Variants in AEN observed in about 807,000 individuals in gnomAD.
AEN encodes the protein apoptosis-enhancing nuclease.
A neutral mutation model predicts 17.7 loss-of-function variants in AEN; 21 were observed. That is an observed-to-expected ratio of 1.19 (90% confidence interval 0.84 to 1.71). The LOEUF (loss-of-function observed/expected upper bound fraction) is 1.71, where lower values mean the gene tolerates loss of function less well. Ranked by LOEUF, AEN falls within the 40% of genes most tolerant of loss-of-function variation. The probability of loss-of-function intolerance (pLI) is 0.00; values close to 1 mark genes in which losing one functional copy is unlikely to be tolerated. For synonymous variants in AEN, 190 were observed against 173.0 expected (o/e 1.10, Z -0.77); for missense variants, 462 against 435.9 (o/e 1.06, Z -0.53).
chr15:88,629,303 C>G lies in AEN; in HGVS notation c.618C>G (p.His206Gln). 1 of 1,614,150 alleles carries G rather than the reference C, an allele frequency of 6.2e-7. No homozygotes were observed. The highest frequency in any genetic ancestry group is 2.2e-5 in the East Asian group (1 of 44,874). ...HNDFQALKYV[H>Q]PRSQTRDTTY... The stretch of plus-strand genomic sequence containing the variant: ...ACTTCCAGGCGCTCAAGTATGTCCA[C>G]CCTCGGAGCCAGACCCGGGATACGA... The change falls in exon 3 of 4, where the codon CAC becomes CAG. Residue 206 changes from histidine to glutamine, a missense_variant. His to Gln is a conservative substitution (Grantham distance 24). Coordinates refer to ENST00000332810, the MANE Select transcript of AEN (RefSeq NM_022767.4).
At chr15:88,611,726 A>G in the AEN span, 1 of 317,028 alleles carries the variant, frequency 3.2e-6, no homozygotes, top group South Asian at 2.5e-5. Context: ...TGAACTTAGT[A>G]ATAGGAGCGG....
chr15:88,631,241 C>T lies in AEN; in HGVS notation c.*947C>T, dbSNP rs745707462. The T allele has an allele frequency of 4.8e-4, 213 of 445,328 alleles. 1 individual carries two copies. The highest frequency in any genetic ancestry group is 8.1e-4 in the Non-Finnish European group (177 of 217,780). The allele number at this position is 445,328 out of a possible 1,614,324, so 27.6% of individuals were successfully genotyped here. ...CACTCGTCTAGGGCAGTGGAGTCTG[C>T]GTGTCTCCTGGGGCTGGGGCAGGGC... On this transcript the variant is annotated 3_prime_UTR_variant, in exon 4 of 4. Transcript: ENST00000332810.
In AEN at chr15:88,629,234, G is replaced by A. The variant is rs774107304; in HGVS notation, c.549G>A (p.Lys183=). ...CCTCTTTCTGCTCACAGATCCTTAA[G>A]CTCCTGAAGGGCAAGGTGGTGGTGG... The part of the protein sequence containing the change: ...PFQVAQKEIL[K]LLKGKVVVGH... The change falls in exon 3 of 4, where the codon AAG becomes AAA. Residue 183 remains lysine (K), a synonymous_variant. Transcript: ENST00000332810. The A allele has an allele frequency of 9.3e-6, 15 of 1,613,938 alleles. No homozygotes were observed. Among genetic ancestry groups the A allele is most frequent in the African/African-American group, 4.0e-5 (3 of 74,902 alleles).
At chr15:88,611,975 T>A in the AEN span, 3 of 451,832 alleles carry the variant, frequency 6.6e-6, no homozygotes, top group Non-Finnish European at 1.4e-5. Context: ...TTTTTGGCTA[T>A]CCTTCCACGT....
the AEN span, among the ~76,000 whole-genome samples, chr15:88,610,554 C>T: frequency 6.6e-6 from 1 of 152,198 alleles, no homozygotes; most frequent in South Asian, 2.1e-4. Flanking sequence ...TGCCCTGTCT[C>T]AGGCTGACAG....
At chr15:88,613,831 T>C in the AEN span, among the ~76,000 whole-genome samples, 1 of 152,172 alleles carries the variant, frequency 6.6e-6, no homozygotes, top group Non-Finnish European at 1.5e-5. Flanking sequence ...AAGTGAAGTG[T>C]CATAATATAA....
chr15:88,611,785 AG>A, the AEN span: 1 of 447,830 alleles, frequency 2.2e-6, no homozygotes. Flanking sequence ...CCTGGTGGCG[AG>A]GGGAGGGGGG....
At chr15:88,607,050 C>T in the AEN span, among the ~76,000 whole-genome samples, 1 of 152,160 alleles carries the variant, frequency 6.6e-6, no homozygotes, top group Non-Finnish European at 1.5e-5. Flanking sequence ...AAACTTTCTC[C>T]CTGGTTTGAT....
chr15:88,622,199 A>T (rs894681053), intron 1 of AEN, among the ~76,000 whole-genome samples: 13 of 144,896 alleles, frequency 9.0e-5, no homozygotes, highest in African/African-American at 2.8e-4. Context: ...TTTAGGCCAG[A>T]CCCCCTCCCT....
upstream of AEN, among the ~76,000 whole-genome samples, chr15:88,620,132 A>C (rs188937919): frequency 2.7e-3 from 406 of 152,238 alleles, 3 homozygotes; most frequent in African/African-American, 9.3e-3. Context: ...AAGAGCTCCT[A>C]GCTTATTTCT....
upstream of AEN, among the ~76,000 whole-genome samples, chr15:88,617,327 C>A (rs147227629): frequency 6.6e-6 from 1 of 152,258 alleles, no homozygotes; most frequent in Non-Finnish European, 1.5e-5. Flanking sequence ...AATCTTGGCT[C>A]GCTGCAACCT....
At chr15:88,605,901 C>T in the AEN span, among the ~76,000 whole-genome samples, 3 of 152,378 alleles carry the variant, frequency 2.0e-5, no homozygotes, top group East Asian at 3.9e-4. This position sits in a 1 kb window ranked among gnomAD's most constrained non-coding sequence, Gnocchi z 7.6. Context: ...ACGCCACTTG[C>T]GCTCGCGGCC....
At chr15:88,605,859 C>A in the AEN span, among the ~76,000 whole-genome samples, 2 of 152,360 alleles carry the variant, frequency 1.3e-5, no homozygotes, top group African/African-American at 2.4e-5. The surrounding 1 kb of genome is among the most constrained non-coding windows in gnomAD (Gnocchi z 7.6). Flanking sequence ...TGCCCATGGT[C>A]GGTGCCTGCG....
chr15:88,628,234 T>G (rs1415840842), intron 2 of AEN: 1 of 152,250 alleles, frequency 6.6e-6, no homozygotes, highest in African/African-American at 2.4e-5. Flanking sequence ...GGAGGGGCAG[T>G]GTGGTGAGTG....
upstream of AEN, among the ~76,000 whole-genome samples, chr15:88,618,314 T>A (rs2057755590): frequency 1.3e-5 from 2 of 152,250 alleles, no homozygotes; most frequent in Admixed American, 1.3e-4. Flanking sequence ...CTTGGTAATA[T>A]TTTATGAAGC....
the AEN span, chr15:88,611,928 C>T: frequency 1.4e-5 from 7 of 500,302 alleles, no homozygotes; most frequent in Non-Finnish European, 2.9e-5. Context: ...TGGTGCCAGC[C>T]ATCGCAGCGG....
chr15:88,628,427 T>G (rs1329287024), intron 2 of AEN: 3 of 151,620 alleles, frequency 2.0e-5, no homozygotes, highest in African/African-American at 7.3e-5. Flanking sequence ...CCCATGGCCC[T>G]GGGCGTGGCC....
chr15:88,616,384 AC>A (rs1218669251), upstream of AEN, among the ~76,000 whole-genome samples: 2 of 152,084 alleles, frequency 1.3e-5, no homozygotes, highest in African/African-American at 4.8e-5. Flanking sequence ...GAGCCACCGC[AC>A]CTGGCCTAGG....
intron 1 of AEN, among the ~76,000 whole-genome samples, chr15:88,622,845 A>G (rs1490633160): frequency 6.6e-6 from 1 of 152,222 alleles, no homozygotes; most frequent in Non-Finnish European, 1.5e-5. Context: ...TACTGAGTAT[A>G]AAATAATACA....
Sources: allele counts gnomAD v4.1 joint callset (sites outside exome capture counted in the v4.1 genomes callset), GRCh38; gene constraint gnomAD v4.1.1; non-coding constraint Gnocchi (gnomAD v3.1); transcripts MANE v1.5; gene names NCBI Gene and HGNC (gene_info 2026-07-23, HGNC 2026-07-21).